Variants in CSMD2 observed in about 807,000 individuals in gnomAD.
The protein encoded by CSMD2 is CUB and Sushi multiple domains 2, also known as CUB and sushi domain-containing protein 2.
A neutral mutation model predicts 398.5 loss-of-function variants in CSMD2; 130 were observed. The ratio of observed to expected loss-of-function variants is 0.33; its 90% confidence interval spans 0.28 to 0.38. CSMD2 has a LOEUF of 0.38. Among genes scored for constraint, CSMD2 ranks in the 10% least tolerant of loss-of-function variants. The probability of loss-of-function intolerance (pLI) is 1.00; values close to 1 mark genes in which losing one functional copy is unlikely to be tolerated. For synonymous variants in CSMD2, 1,828 were observed against 1,908.5 expected (o/e 0.96, Z 1.10); for missense variants, 3,829 against 4,764.9 (o/e 0.80, Z 5.78).
intron 2 of CSMD2, among the ~76,000 whole-genome samples, chr1:34,077,610 G>A (rs1182662264): frequency 6.6e-5 from 10 of 150,854 alleles, no homozygotes; most frequent in African/African-American, 1.2e-4. Context: ...GGTGGCGGGC[G>A]CCTGTAGTCC....
chr1:33,674,551 A>C (rs1455019623), intron 25 of CSMD2, among the ~76,000 whole-genome samples: 3 of 152,188 alleles, frequency 2.0e-5, no homozygotes, highest in Admixed American at 2.0e-4. Context: ...CAGATCAACA[A>C]GACAGAAAGT....
chr1:33,897,724 G>A (rs923088336), intron 5 of CSMD2, among the ~76,000 whole-genome samples: 1 of 152,158 alleles, frequency 6.6e-6, no homozygotes, highest in South Asian at 2.1e-4. Context: ...CCTGAGATGG[G>A]GAGCGGCAAC....
At chr1:34,145,439 T>C (rs1222908054) in intron 1 of CSMD2, among the ~76,000 whole-genome samples, 1 of 152,206 alleles carries the variant, frequency 6.6e-6, no homozygotes. Flanking sequence ...GAGGGGTGGC[T>C]CTGAATGCAG....
chr1:33,970,171 A>G (rs78808461), intron 3 of CSMD2, among the ~76,000 whole-genome samples: 386 of 152,030 alleles, frequency 2.5e-3, no homozygotes, highest in Non-Finnish European at 4.0e-3. Flanking sequence ...CTCCAAAGCC[A>G]CTGTGCTGGC....
At chr1:33,632,015 G>T (rs554588723) in intron 32 of CSMD2, among the ~76,000 whole-genome samples, 1 of 151,914 alleles carries the variant, frequency 6.6e-6, no homozygotes, top group Non-Finnish European at 1.5e-5. Context: ...GGAAGAAATG[G>T]ATAAAAAGTC....
Position 33,577,389 on chromosome 1 carries a change from C to A in CSMD2, c.7483G>T (p.Ala2495Ser). 2 of 1,614,150 alleles carry A rather than the reference C, an allele frequency of 1.2e-6. No homozygotes were observed. The highest frequency in any genetic ancestry group is 1.1e-5 in the South Asian group (1 of 91,078). Residue 2495 changes from alanine (A) to serine (S), a missense_variant, in exon 49 of 71, where the codon GCC (alanine) becomes TCC (serine). By Grantham distance (99) the Ala-to-Ser change is moderately conservative. Around this residue, in one of 5 missense-constraint regions of CSMD2, gnomAD observed 723 missense variants for 758.6 expected, o/e 0.95. Transcript: ENST00000373381. ...PGGSIHFGCNAGYRLVGHSMA... is the reference protein window; with the variant it reads ...PGGSIHFGCNSGYRLVGHSMA... ...CTGTGTCCCACCAGGCGGTAGCCGG[C>A]GTTGCAGCCAAAGTGGATGGAGCCC... is the stretch of plus-strand genomic sequence containing the variant.
intron 5 of CSMD2, among the ~76,000 whole-genome samples, chr1:33,851,642 A>G (rs918184746): frequency 9.9e-5 from 15 of 152,156 alleles, no homozygotes; most frequent in Non-Finnish European, 2.9e-5. Context: ...TTTGAGGCTG[A>G]TCCCTCCTCT....
intron 5 of CSMD2, among the ~76,000 whole-genome samples, chr1:33,858,852 T>C (rs1639285273): frequency 6.6e-6 from 1 of 152,218 alleles, no homozygotes; most frequent in Non-Finnish European, 1.5e-5. Flanking sequence ...TGTGAGTACA[T>C]GAGTGAGTGA....
chr1:33,991,872 TA>T (rs71722786), intron 3 of CSMD2, among the ~76,000 whole-genome samples: 13,079 of 140,980 alleles, frequency 0.093, 1,135 homozygotes, highest in East Asian at 0.43. Flanking sequence ...TCCAAGTCAA[TA>T]AAAAAAAAGC....
intron 60 of CSMD2, among the ~76,000 whole-genome samples, chr1:33,539,800 C>T (rs1459446797): frequency 6.6e-6 from 1 of 152,196 alleles, no homozygotes; most frequent in Non-Finnish European, 1.5e-5. Flanking sequence ...GGTAACATTG[C>T]ACCAAATACC....
intron 4 of CSMD2, among the ~76,000 whole-genome samples, chr1:33,920,529 C>T (rs964205664): frequency 1.1e-4 from 12 of 112,000 alleles, no homozygotes; most frequent in Non-Finnish European, 1.0e-4. Context: ...GCAATAAGAG[C>T]GACAATCTGT....
At chr1:33,789,264 TGAA>T (rs901893816) in intron 11 of CSMD2, among the ~76,000 whole-genome samples, 4 of 151,652 alleles carry the variant, frequency 2.6e-5, no homozygotes, top group Non-Finnish European at 5.9e-5. Context: ...ACATTCTTAT[TGAA>T]GAAGAGGGTT....
intron 3 of CSMD2, among the ~76,000 whole-genome samples, chr1:33,969,412 G>T (rs1439314627): frequency 6.6e-6 from 1 of 152,172 alleles, no homozygotes; most frequent in Non-Finnish European, 1.5e-5. Context: ...TTGAGGTTTA[G>T]ATCACATTTC....
chr1:34,141,246 C>T (rs1296835646), intron 1 of CSMD2, among the ~76,000 whole-genome samples: 1 of 151,940 alleles, frequency 6.6e-6, no homozygotes, highest in Admixed American at 6.6e-5. Context: ...ATTCAACATC[C>T]CATAAATATT....
chr1:33,720,767 G>A (rs934203781), intron 19 of CSMD2, among the ~76,000 whole-genome samples: 4 of 152,082 alleles, frequency 2.6e-5, no homozygotes, highest in Admixed American at 2.0e-4. Flanking sequence ...GCACGATCTC[G>A]GCTCACCGCA....
chr1:33,932,327 C>T (rs944381268), intron 4 of CSMD2, among the ~76,000 whole-genome samples: 1 of 151,914 alleles, frequency 6.6e-6, no homozygotes, highest in East Asian at 1.9e-4. Context: ...ATGAGAAATT[C>T]CAAGAGATGG....
chr1:34,073,494 A>G (rs1294627932), intron 2 of CSMD2, among the ~76,000 whole-genome samples: 4 of 152,226 alleles, frequency 2.6e-5, no homozygotes, highest in Admixed American at 6.5e-5. Flanking sequence ...AACTGTTAAC[A>G]GCGGTTACCT....
intron 5 of CSMD2, among the ~76,000 whole-genome samples, chr1:33,909,739 T>C (rs1383174366): frequency 6.6e-6 from 1 of 152,192 alleles, no homozygotes; most frequent in Admixed American, 6.5e-5. Context: ...TGCCAGGGTA[T>C]TGAACACCAA....
intron 6 of CSMD2, among the ~76,000 whole-genome samples, chr1:33,841,080 G>C (rs1381791017): frequency 1.3e-5 from 2 of 152,184 alleles, no homozygotes; most frequent in East Asian, 1.9e-4. Context: ...CTCAGTGCAG[G>C]ACTTCTAGAA....
Sources: allele counts gnomAD v4.1 joint callset (sites outside exome capture counted in the v4.1 genomes callset), GRCh38; gene constraint gnomAD v4.1.1; regional missense constraint gnomAD v4.1.1; transcripts MANE v1.5; gene names NCBI Gene and HGNC (gene_info 2026-07-23, HGNC 2026-07-21).